DIAPH3: variants seen among roughly 807,000 people sequenced by gnomAD.
The protein encoded by DIAPH3 is diaphanous related formin 3, also known as protein diaphanous homolog 3.
Under a neutral mutation model 144.3 loss-of-function variants are expected in DIAPH3, and 117 were observed. The observed-to-expected ratio is 0.81, with a 90% CI of 0.70 to 0.95. DIAPH3 has a LOEUF of 0.95. Ranked by LOEUF, DIAPH3 falls within the 40% of genes least tolerant of loss-of-function variation. The pLI is 0.00. For missense variants in DIAPH3, 1,421 were observed against 1,412.7 expected (o/e 1.01, Z -0.09); for synonymous variants, 519 against 488.9 (o/e 1.06, Z -0.81).
chr13:59,870,444 G>A (rs1369317076), intron 21 of DIAPH3, among the ~76,000 whole-genome samples: 1 of 151,848 alleles, frequency 6.6e-6, no homozygotes, highest in African/African-American at 2.4e-5. Context: ...TCAGTATTGT[G>A]TTAGCTATTC....
chr13:60,086,938 G>A (rs2057764978), intron 4 of DIAPH3, among the ~76,000 whole-genome samples: 1 of 152,080 alleles, frequency 6.6e-6, no homozygotes. Flanking sequence ...ATTGGTTCCA[G>A]GACTTCCCAC....
chr13:59,911,642 C>T, intron 20 of DIAPH3, 93 bp downstream of exon 20: 1 of 933,714 alleles, frequency 1.1e-6, no homozygotes, highest in African/African-American at 1.6e-5. Context: ...TGTGATTACT[C>T]ACATGCTTTT....
At chr13:59,742,593 AAAAGAAAAG>A (rs1487179769) in intron 27 of DIAPH3, among the ~76,000 whole-genome samples, 1 of 150,620 alleles carries the variant, frequency 6.6e-6, no homozygotes, top group Non-Finnish European at 1.5e-5. Context: ...AAGGAAAGAG[AAAAGAAAAG>A]AAAGAAAAGA....
chr13:60,014,676 A>T (rs1330948731), intron 7 of DIAPH3, among the ~76,000 whole-genome samples: 1 of 152,144 alleles, frequency 6.6e-6, no homozygotes, highest in Non-Finnish European at 1.5e-5. Context: ...AATAAGGCAA[A>T]ATATTATAAT....
intron 27 of DIAPH3, among the ~76,000 whole-genome samples, chr13:59,686,398 C>G (rs936335216): frequency 5.3e-5 from 8 of 151,740 alleles, no homozygotes; most frequent in African/African-American, 1.9e-4. Flanking sequence ...GATATCTATT[C>G]ACATCAATGT....
chr13:59,772,364 T>C (rs963487626), intron 27 of DIAPH3, among the ~76,000 whole-genome samples: 2 of 152,052 alleles, frequency 1.3e-5, no homozygotes, highest in African/African-American at 4.8e-5. Context: ...GAAATATGAA[T>C]AGAAAATACT....
At chr13:60,013,260 C>A in intron 7 of DIAPH3, 1 of 968,720 alleles carries the variant, frequency 1.0e-6, no homozygotes, top group South Asian at 4.8e-5. Context: ...GAATTTCAGG[C>A]ACTGAAGATG....
chr13:60,061,649 A>T (rs1453376616), intron 4 of DIAPH3, among the ~76,000 whole-genome samples: 4 of 151,380 alleles, frequency 2.6e-5, no homozygotes, highest in Non-Finnish European at 4.4e-5. Flanking sequence ...GAAGGAAACT[A>T]AACACATCTG....
At chr13:59,897,702 C>G (rs1385924737) in intron 20 of DIAPH3, among the ~76,000 whole-genome samples, 2 of 150,396 alleles carry the variant, frequency 1.3e-5, no homozygotes, top group Non-Finnish European at 3.0e-5. Context: ...GAGCCAAGAT[C>G]ACGCCATTGC....
At chr13:59,942,943 C>T (rs1482911277) in intron 17 of DIAPH3, among the ~76,000 whole-genome samples, 1 of 152,076 alleles carries the variant, frequency 6.6e-6, no homozygotes, top group Non-Finnish European at 1.5e-5. Context: ...AGCTATTTTC[C>T]TTATTAATGA....
chr13:60,086,337 T>TA (rs2057745592), intron 4 of DIAPH3, among the ~76,000 whole-genome samples: 1 of 152,120 alleles, frequency 6.6e-6, no homozygotes. Context: ...TGTGCATACA[T>TA]AAAACCTACC....
In DIAPH3 at chr13:60,163,678, C is replaced by T; in HGVS notation, c.89G>A (p.Cys30Tyr). The T allele has an allele frequency of 6.2e-7, 1 of 1,607,700 alleles. No homozygotes were observed. The highest frequency in any genetic ancestry group is 8.5e-7 in the Non-Finnish European group (1 of 1,175,508). ...CCTGCGCGGCATCTTGCTTTCCCGG[C>T]AGCCGCGGAGAGAGGCTGAGGAAGG... ...PYPSSASLRG[C>Y]RESKMPRRKG... Residue 30 changes from cysteine to tyrosine, a missense_variant, in exon 1 of 28, where the codon TGC becomes TAC. Physicochemically the swap from Cys to Tyr is radical, Grantham distance 194. Transcript: ENST00000400324.
rs928275145 is a variant in DIAPH3 at position 59,714,308 on chromosome 13, C to T, written c.3320-47462G>A. Among the ~76,000 whole-genome samples the T allele has an allele frequency of 9.2e-5, 13 of 141,500 alleles. No homozygotes were observed. The East Asian group carries it at 2.1e-3, about 23-fold the overall frequency. 92.8% of individuals were successfully genotyped at this position (141,500 alleles called of 152,430 possible). A position where few individuals can be genotyped will look rare whatever the true frequency, so the allele number is the denominator to read the frequency against. ...CCGGGAGGCGGAGCTTGCAGTGAGC[C>T]GAGATCCCGCCACTGCACTCCAGCC... On this transcript the variant is annotated intron_variant, in intron 27 of 27. Coordinates refer to ENST00000400324, the MANE Select transcript of DIAPH3 (RefSeq NM_001042517.2).
chr13:59,991,913 C>T (rs1261713367), intron 11 of DIAPH3, among the ~76,000 whole-genome samples, 155 bp downstream of exon 11: 1 of 152,010 alleles, frequency 6.6e-6, no homozygotes, highest in Non-Finnish European at 1.5e-5. Context: ...TTCATAAAAA[C>T]ACACAAATTA....
At chr13:59,784,877 C>T (rs1346286840) in intron 25 of DIAPH3, among the ~76,000 whole-genome samples, 1 of 151,762 alleles carries the variant, frequency 6.6e-6, no homozygotes, top group African/African-American at 2.4e-5. Flanking sequence ...ACACAGTTGC[C>T]CTAACATAAT....
intron 25 of DIAPH3, among the ~76,000 whole-genome samples, chr13:59,789,462 T>C (rs1439838613): frequency 6.6e-6 from 1 of 152,242 alleles, no homozygotes; most frequent in African/African-American, 2.4e-5. Flanking sequence ...AATGGCTTTT[T>C]TCCTTATGAA....
intron 18 of DIAPH3, among the ~76,000 whole-genome samples, chr13:59,917,572 T>C (rs997399491): frequency 1.3e-5 from 2 of 151,770 alleles, no homozygotes; most frequent in African/African-American, 2.4e-5. Context: ...AAGAACAAGA[T>C]GAAATATGTA....
At chr13:59,818,257 A>G (rs2040884268) in intron 24 of DIAPH3, among the ~76,000 whole-genome samples, 1 of 151,948 alleles carries the variant, frequency 6.6e-6, no homozygotes, top group South Asian at 2.1e-4. Context: ...ATCTTTTAAC[A>G]TAAGGATGTT....
At position 59,759,593 on chromosome 13, in the gene DIAPH3, T is replaced by C. The variant is rs1330304726; in HGVS notation, c.3319+14596A>G. 7.2e-5 allele frequency among the ~76,000 whole-genome samples: 11 copies of C among 152,022 alleles called. No individual in the cohort carries two copies. The East Asian group carries it at 2.1e-3, about 29-fold the overall frequency. On this transcript the variant is annotated intron_variant, in intron 27 of 27. Coordinates refer to ENST00000400324, the MANE Select transcript of DIAPH3 (RefSeq NM_001042517.2). Reference sequence around the variant, plus strand: ...CGGGGATCAGTAAATGAAGAGAAAGTAGGTTAACAGAATGAAGAGTAATAG... The same window carrying C: ...CGGGGATCAGTAAATGAAGAGAAAGCAGGTTAACAGAATGAAGAGTAATAG...
Sources: allele counts gnomAD v4.1 joint callset (sites outside exome capture counted in the v4.1 genomes callset), GRCh38; gene constraint gnomAD v4.1.1; transcripts MANE v1.5; gene names NCBI Gene and HGNC (gene_info 2026-07-23, HGNC 2026-07-21).